The following UBAC2 variants were observed in gnomAD, a reference collection of about 807,000 sequenced individuals.
UBAC2 encodes ubiquitin-associated domain-containing protein 2.
UBAC2 carries 26 observed loss-of-function variants against 44.0 expected under a neutral mutation model. The observed-to-expected ratio is 0.59, with a 90% CI of 0.43 to 0.82. The LOEUF is 0.82. Ranked by LOEUF, UBAC2 falls within the 40% of genes least tolerant of loss-of-function variation. UBAC2 has a pLI of 0.00. For synonymous variants in UBAC2, 155 were observed against 154.3 expected, an observed-to-expected ratio of 1.00 and a Z score of -0.04; for missense variants, 329 against 419.4, an observed-to-expected ratio of 0.78 and a Z score of 1.88.
At chr13:99,215,637 G>A (rs768253462) in intron 1 of UBAC2, 11 of 1,338,368 alleles carry the variant, frequency 8.2e-6, no homozygotes, top group South Asian at 2.5e-5. Flanking sequence ...GTGACCCGTC[G>A]TCCTAGATTT....
At chr13:99,201,512 C>T (rs929834165) in intron 1 of UBAC2, 1 of 1,614,176 alleles carries the variant, frequency 6.2e-7, no homozygotes, top group Non-Finnish European at 8.5e-7. Context: ...GGCGAGGGAG[C>T]GCAGCTGTGC....
Position 99,295,102 on chromosome 13 carries a change from TTC to T in UBAC2, c.390-18993_390-18992del. 6.2e-7 allele frequency: 1 copy of T among 1,614,110 alleles called. No homozygotes were observed. The highest frequency in any genetic ancestry group is 8.5e-7 in the Non-Finnish European group (1 of 1,179,972). On this transcript the variant is annotated intron_variant, in intron 4 of 8. Transcript: ENST00000403766. This position sits in a 1 kb window ranked among gnomAD's most constrained non-coding sequence, Gnocchi z 4.1. ...ACTTGGAATGTATCATCATCTGCGTTTCTGTCATTTCACGTGAATTTTCTTCA... is the reference window on the plus strand; with the variant it reads ...ACTTGGAATGTATCATCATCTGCGTTTGTCATTTCACGTGAATTTTCTTCA...
At chr13:99,281,174 G>A (rs1479229606) in intron 4 of UBAC2, among the ~76,000 whole-genome samples, 1 of 151,442 alleles carries the variant, frequency 6.6e-6, no homozygotes, top group African/African-American at 2.4e-5. Flanking sequence ...GGGTGACAGA[G>A]CGAGACTCCA....
Position 99,238,435 on chromosome 13 carries a change from C to A in UBAC2, c.40C>A (p.Pro14Thr). Residue 14 changes from proline (P) to threonine (T), a missense_variant, in exon 2 of 9, where the codon CCT becomes ACT. By Grantham distance (38) the Pro-to-Thr change is conservative. Transcript: ENST00000403766. ...TTCCTTTTTCCCTCCAGACAAGGCG[C>A]CTCTGTCGAAGAGCCTTCTGCTGGT... ...STGSSGLYKA[P>T]LSKSLLLVPS... The A allele has an allele frequency of 6.2e-7, 1 of 1,613,472 alleles. No individual in the cohort carries two copies. The highest frequency in any genetic ancestry group is 2.2e-5 in the East Asian group (1 of 44,888).
intron 1 of UBAC2, among the ~76,000 whole-genome samples, chr13:99,208,368 C>G (rs975565325): frequency 6.6e-6 from 1 of 152,156 alleles, no homozygotes. Flanking sequence ...GGCCTTGTGA[C>G]TTACCCTTTA....
In UBAC2 at chr13:99,285,396, T is replaced by C. The variant is rs1350894095; in HGVS notation, c.390-28701T>C. ...ATTATTTATTATTACCTTTCTTCTT[T>C]TTTTTTTTTTTAAGAGACAATTGTC... On this transcript the variant is annotated intron_variant, in intron 4 of 8. Transcript: ENST00000403766. Among the ~76,000 whole-genome samples the C allele has an allele frequency of 4.0e-5, 6 of 150,980 alleles. No homozygotes were observed. In the East Asian group the frequency reaches 9.7e-4, roughly 24 times the overall value.
intron 1 of UBAC2, among the ~76,000 whole-genome samples, chr13:99,207,474 T>A (rs2042886272): frequency 6.6e-6 from 1 of 152,188 alleles, no homozygotes; most frequent in Non-Finnish European, 1.5e-5. Context: ...TCTTCCCTTA[T>A]TTTTTCCCTG....
chr13:99,281,037 T>A (rs2043947434), intron 4 of UBAC2, among the ~76,000 whole-genome samples: 1 of 151,892 alleles, frequency 6.6e-6, no homozygotes, highest in Non-Finnish European at 1.5e-5. Context: ...AATACAAAAA[T>A]AAGCCAGGTG....
At chr13:99,215,529 A>G in intron 1 of UBAC2, 1 of 1,468,520 alleles carries the variant, frequency 6.8e-7, no homozygotes, top group Admixed American at 1.7e-5. Flanking sequence ...CTTTACCTTT[A>G]AGTCTTTTGA....
rs1175694330 is a variant in UBAC2, at chr13:99,351,685, T to G, written c.807+11120T>G. 8.8e-6 allele frequency: 4 copies of G among 456,780 alleles called. No homozygotes were observed. In the Admixed American group the frequency reaches 9.4e-5, roughly 11 times the overall value. The allele number at this position is 456,780 out of a possible 1,614,324, so 28.3% of individuals were successfully genotyped here. On this transcript the variant is annotated intron_variant, in intron 7 of 8. Transcript: ENST00000403766. The stretch of plus-strand genomic sequence containing the variant: ...GGGATAAAACTTTCCATTAGGCATT[T>G]CTGTAAAATTTCCATCTATTTTAGA...
chr13:99,219,520 C>T (rs901058789), intron 1 of UBAC2, among the ~76,000 whole-genome samples: 5 of 152,206 alleles, frequency 3.3e-5, no homozygotes, highest in African/African-American at 1.2e-4. Flanking sequence ...ATATGCGACC[C>T]AAGACAGCTT....
At chr13:99,222,660 T>A (rs577123688) in intron 1 of UBAC2, among the ~76,000 whole-genome samples, 2 of 152,234 alleles carry the variant, frequency 1.3e-5, no homozygotes, top group East Asian at 3.8e-4. Context: ...CTTGTTGATA[T>A]GGTAAATTAC....
At chr13:99,347,121 G>GA (rs60467106) in intron 7 of UBAC2, among the ~76,000 whole-genome samples, 4 of 149,438 alleles carry the variant, frequency 2.7e-5, no homozygotes, top group African/African-American at 7.4e-5. Flanking sequence ...TCTATTTAAA[G>GA]AAAAAAAAAG....
chr13:99,323,458 A>G (rs977020881), intron 6 of UBAC2, among the ~76,000 whole-genome samples: 1 of 152,158 alleles, frequency 6.6e-6, no homozygotes, highest in South Asian at 2.1e-4. Flanking sequence ...CAAACAAACA[A>G]ACAAAAATTT....
rs11551501 is a variant in UBAC2 at position 99,340,506 on chromosome 13, C to G, written c.748C>G (p.Leu250Val). The change falls in exon 7 of 9, where the codon CTG (leucine) becomes GTG (valine). Residue 250 changes from leucine to valine, a missense_variant. Transcript: ENST00000403766. ...DIQRQQRMEL[L>V]DRQLMFSQFA... is the part of the protein sequence containing the mutation. ...CCAGAGACAGCAGAGAATGGAGCTGCTGGACCGGCAGCTGATGTTCTCTCA... is the reference window on the plus strand; with the variant it reads ...CCAGAGACAGCAGAGAATGGAGCTGGTGGACCGGCAGCTGATGTTCTCTCA... 1.9e-5 allele frequency: 31 copies of G among 1,614,068 alleles called. No individual in the cohort carries two copies. The highest frequency in any genetic ancestry group is 2.5e-5 in the Non-Finnish European group (30 of 1,180,046).
chr13:99,302,195 A>G, intron 4 of UBAC2, among the ~76,000 whole-genome samples: 1 of 152,220 alleles, frequency 6.6e-6, no homozygotes, highest in East Asian at 1.9e-4. Context: ...GATACTAATT[A>G]TATGTGTATA....
intron 6 of UBAC2, among the ~76,000 whole-genome samples, chr13:99,329,867 A>G (rs1455471572): frequency 1.3e-5 from 2 of 152,218 alleles, no homozygotes; most frequent in Non-Finnish European, 2.9e-5. Flanking sequence ...CCCCACAGAA[A>G]TTGGATAATA....
At chr13:99,215,578 A>G (rs775754532) in intron 1 of UBAC2, 3 of 1,372,422 alleles carry the variant, frequency 2.2e-6, no homozygotes, top group South Asian at 2.3e-5. Flanking sequence ...GCGGTGAGGT[A>G]CTCCAGGATG....
At chr13:99,305,698 TCATTAC>T (rs2044322762) in intron 4 of UBAC2, among the ~76,000 whole-genome samples, 1 of 152,202 alleles carries the variant, frequency 6.6e-6, no homozygotes, top group East Asian at 1.9e-4. Flanking sequence ...ATGCAAGGGA[TCATTAC>T]CATTGTCACT....
Sources: allele counts gnomAD v4.1 joint callset (sites outside exome capture counted in the v4.1 genomes callset), GRCh38; gene constraint gnomAD v4.1.1; non-coding constraint Gnocchi (gnomAD v3.1); transcripts MANE v1.5; gene names NCBI Gene and HGNC (gene_info 2026-07-23, HGNC 2026-07-21).